Variants in KLHL24 observed in about 807,000 individuals in gnomAD.
KLHL24 encodes the protein kelch-like protein 24.
In KLHL24, 29 loss-of-function variants were observed where a neutral mutation model predicts 53.4. The observed-to-expected ratio is 0.54, with a 90% confidence interval of 0.40 to 0.74. KLHL24 has a LOEUF of 0.74. Ranked by LOEUF, KLHL24 falls within the 30% of genes least tolerant of loss-of-function variation. The pLI is 0.00. For missense variants in KLHL24, 504 were observed against 744.0 expected (o/e 0.68, Z 3.75); for synonymous variants, 222 against 253.7 (o/e 0.88, Z 1.19).
chr3:183,668,659 C>A (rs1409402528), intron 5 of KLHL24, among the ~76,000 whole-genome samples: 1 of 152,182 alleles, frequency 6.6e-6, no homozygotes, highest in African/African-American at 2.4e-5. Flanking sequence ...GTAATCCCAG[C>A]ACTTTGGGAG....
At chr3:183,669,484 A>G (rs16857954) in intron 5 of KLHL24, among the ~76,000 whole-genome samples, 24,976 of 152,208 alleles carry the variant, frequency 0.16, 2,173 homozygotes, top group East Asian at 0.32. Context: ...CACAGGTTCC[A>G]TACTCCATAT....
intron 1 of KLHL24, among the ~76,000 whole-genome samples, chr3:183,642,420 G>A (rs546663159): frequency 4.1e-4 from 62 of 152,038 alleles, no homozygotes; most frequent in Non-Finnish European, 6.2e-4. Context: ...AAAAAAGGTC[G>A]TTTATATTTG....
intron 1 of KLHL24, among the ~76,000 whole-genome samples, chr3:183,637,477 C>T (rs375881259): frequency 6.6e-6 from 1 of 152,222 alleles, no homozygotes; most frequent in Admixed American, 6.5e-5. Flanking sequence ...GCGACTGTGT[C>T]GTTTTAAAAT....
chr3:183,659,225 G>T (rs1414848623), intron 3 of KLHL24, among the ~76,000 whole-genome samples: 1 of 152,054 alleles, frequency 6.6e-6, no homozygotes, highest in Admixed American at 6.6e-5. Flanking sequence ...AAGCATAAAA[G>T]GGAAATTTAT....
At chr3:183,675,024 C>A (rs1015554253) in intron 7 of KLHL24, among the ~76,000 whole-genome samples, 1 of 152,124 alleles carries the variant, frequency 6.6e-6, no homozygotes, top group Non-Finnish European at 1.5e-5. Context: ...CCTCTTATGG[C>A]AATTGTATAT....
intron 2 of KLHL24, among the ~76,000 whole-genome samples, chr3:183,649,742 A>AC (rs1388188377): frequency 2.6e-5 from 4 of 151,720 alleles, no homozygotes; most frequent in African/African-American, 9.7e-5. Flanking sequence ...AAAGTAAAAA[A>AC]AAAAATAGCC....
Position 183,663,053 on chromosome 3 carries a change from A to G in KLHL24, c.921-405A>G, listed in dbSNP as rs1374086818. On this transcript the variant is annotated intron_variant, in intron 3 of 7. Coordinates refer to ENST00000242810, the MANE Select transcript of KLHL24 (RefSeq NM_017644.3). This position sits in a 1 kb window ranked among gnomAD's most constrained non-coding sequence, Gnocchi z 4.9. ...TTTTTAGAACTAGCAAGCTGATGAA[A>G]GAGCACCATTTTCCTACAGTTAGAA... Among the ~76,000 whole-genome samples, 1 of 152,216 alleles carries G rather than the reference A, an allele frequency of 6.6e-6. No individual in the cohort carries two copies. The highest frequency in any genetic ancestry group is 1.5e-5 in the Non-Finnish European group (1 of 68,030).
chr3:183,647,376 A>G (rs2108784688), intron 2 of KLHL24, among the ~76,000 whole-genome samples: 1 of 151,992 alleles, frequency 6.6e-6, no homozygotes, highest in East Asian at 2.0e-4. Flanking sequence ...AGATCGTGCC[A>G]CTGCACTCCA....
chr3:183,646,955 G>A (rs1006591997), intron 2 of KLHL24, among the ~76,000 whole-genome samples: 53 of 148,700 alleles, frequency 3.6e-4, no homozygotes, highest in Admixed American at 5.4e-4. Context: ...GACTACAGGC[G>A]CCTGCCACCA....
At chr3:183,670,010 G>A (rs1307123851) in intron 5 of KLHL24, among the ~76,000 whole-genome samples, 5 of 152,230 alleles carry the variant, frequency 3.3e-5, no homozygotes, top group Admixed American at 6.5e-5. Flanking sequence ...TTGGGAGGCT[G>A]AGGCAGGAGG....
intron 2 of KLHL24, chr3:183,644,159 T>C (rs9877526): frequency 0.33 from 49,508 of 149,540 alleles, 8,794 homozygotes; most frequent in African/African-American, 0.48. Context: ...TCCTGTCTCC[T>C]GGGTTCAAGT....
chr3:183,657,273 C>T lies in KLHL24; in HGVS notation c.920+5997C>T, dbSNP rs376506196. ...AGTGTCTTCTGATATATTGACCATA[C>T]ATGGCAAGTTGTTCGTGTCTATGAA... On this transcript the variant is annotated intron_variant, in intron 3 of 7. Transcript: ENST00000242810. Among the ~76,000 whole-genome samples, 18 of 152,268 alleles carry T rather than the reference C, an allele frequency of 1.2e-4. No individual in the cohort carries two copies. The East Asian group carries it at 1.7e-3, about 15-fold the overall frequency.
intron 7 of KLHL24, 70 bp from the exon 8 acceptor site, chr3:183,679,016 G>C (rs1324190075): frequency 1.6e-6 from 2 of 1,229,052 alleles, no homozygotes; most frequent in African/African-American, 3.0e-5. Context: ...GCATTATTTT[G>C]CTTTTCTGTT....
At chr3:183,678,825 C>A (rs1167234688) in intron 7 of KLHL24, among the ~76,000 whole-genome samples, 1 of 152,126 alleles carries the variant, frequency 6.6e-6, no homozygotes, top group African/African-American at 2.4e-5. Context: ...CCAGCTCCAT[C>A]CACGTCCCTA....
rs781480811 is a variant in KLHL24, at chr3:183,651,235, A to C, written c.879A>C (p.Ile293=). 3.1e-6 allele frequency: 5 copies of C among 1,614,132 alleles called. No individual in the cohort carries two copies. In the East Asian group the frequency reaches 1.1e-4, roughly 36 times the overall value. ...TGCATGAAGCAAGACGGTACCACAT[A>C]CTTGGGAATGAAATGATGTCCCCAA... ...QLLHEARRYH[I]LGNEMMSPRT... Residue 293 remains isoleucine, a synonymous_variant, in exon 3 of 8, where the codon ATA becomes ATC. Transcript: ENST00000242810.
intron 1 of KLHL24, among the ~76,000 whole-genome samples, chr3:183,635,998 A>G (rs1715069685): frequency 6.6e-6 from 1 of 152,046 alleles, no homozygotes. Flanking sequence ...CTTGGTAGCT[A>G]CAGCCCTGAG....
At position 183,680,511 on chromosome 3, in the gene KLHL24, T is replaced by G. The variant is rs1712568666; in HGVS notation, c.*1225T>G. 1 of 152,176 alleles carries G rather than the reference T, an allele frequency of 6.6e-6. No homozygotes were observed. Among genetic ancestry groups the G allele is most frequent in the East Asian group, 1.9e-4 (1 of 5,196 alleles). The allele number at this position is 152,176 out of a possible 1,614,324, so 9.4% of individuals were successfully genotyped here. ...GGTCCATTTTTCTTTTAAAATTAGT[T>G]ATCTGAAAAAACTTAGCAGTAGTTC... On this transcript the variant is annotated 3_prime_UTR_variant, in exon 8 of 8. Coordinates refer to ENST00000242810, the MANE Select transcript of KLHL24 (RefSeq NM_017644.3).
intron 2 of KLHL24, among the ~76,000 whole-genome samples, chr3:183,646,057 T>TC (rs2108779249): frequency 6.6e-6 from 1 of 151,452 alleles, no homozygotes; most frequent in East Asian, 1.9e-4. Flanking sequence ...TTTGTTTTGT[T>TC]TTTTTTTTAA....
At chr3:183,657,081 C>A (rs1481914919) in intron 3 of KLHL24, among the ~76,000 whole-genome samples, 1 of 147,280 alleles carries the variant, frequency 6.8e-6, no homozygotes, top group African/African-American at 2.6e-5. Context: ...GGTTCTGATG[C>A]TGCTGCTTTT....
Sources: gnomAD v4.1 joint callset for allele counts (sites outside exome capture counted in the v4.1 genomes callset) on GRCh38, gnomAD v4.1.1 for gene constraint, Gnocchi (gnomAD v3.1) non-coding constraint, MANE v1.5 for transcripts, NCBI Gene and HGNC (gene_info 2026-07-23, HGNC 2026-07-21) for gene names.